PCDH15: variants seen among roughly 807,000 people sequenced by gnomAD.
The protein encoded by PCDH15 is protocadherin-15.
PCDH15 carries 129 observed loss-of-function variants against 178.5 expected under a neutral mutation model. That is an observed-to-expected ratio of 0.72 (90% CI 0.63 to 0.84). The LOEUF is 0.84. Ranked by LOEUF, PCDH15 falls within the 40% of genes least tolerant of loss-of-function variation. The probability of loss-of-function intolerance (pLI) is 0.00; values close to 1 mark genes in which losing one functional copy is unlikely to be tolerated. For missense variants in PCDH15, 2,230 were observed against 2,099.9 expected (o/e 1.06, Z -1.21); for synonymous variants, 800 against 732.0 (o/e 1.09, Z -1.50).
intron 1 of PCDH15, among the ~76,000 whole-genome samples, chr10:55,310,545 T>A (rs1843559551): frequency 6.6e-6 from 1 of 152,228 alleles, no homozygotes; most frequent in African/African-American, 2.4e-5. Flanking sequence ...ATGTGCCATA[T>A]AAACACATAC....
At chr10:54,901,641 G>T (rs1954641345) in intron 2 of PCDH15, among the ~76,000 whole-genome samples, 2 of 151,760 alleles carry the variant, frequency 1.3e-5, no homozygotes, top group Admixed American at 6.6e-5. Context: ...AATTTACCTG[G>T]CACCTACACA....
intron 6 of PCDH15, among the ~76,000 whole-genome samples, chr10:54,332,117 G>C (rs1318377500): frequency 1.3e-5 from 2 of 148,902 alleles, no homozygotes; most frequent in Non-Finnish European, 3.0e-5. Flanking sequence ...GCCCGGATCT[G>C]TGTTGTCTTT....
intron 3 of PCDH15, among the ~76,000 whole-genome samples, chr10:54,832,417 T>C (rs1953240035): frequency 6.6e-6 from 1 of 152,222 alleles, no homozygotes; most frequent in South Asian, 2.1e-4. Flanking sequence ...ATTTTGTTGA[T>C]ATGTTTTAAA....
intron 18 of PCDH15, among the ~76,000 whole-genome samples, chr10:54,048,218 C>T (rs2610911): frequency 0.23 from 34,475 of 151,858 alleles, 4,118 homozygotes; most frequent in African/African-American, 0.27. Flanking sequence ...GAAGTGTCTG[C>T]TCATATCTTT....
chr10:55,287,506 G>A (rs1232871813), intron 1 of PCDH15, among the ~76,000 whole-genome samples: 2 of 151,992 alleles, frequency 1.3e-5, no homozygotes, highest in Non-Finnish European at 2.9e-5. Context: ...TTCATAAAAA[G>A]AAAAGGATAA....
intron 2 of PCDH15, among the ~76,000 whole-genome samples, chr10:55,451,609 A>C (rs551091513): frequency 6.6e-6 from 1 of 152,210 alleles, no homozygotes; most frequent in Non-Finnish European, 1.5e-5. Context: ...TTTAAGTAGT[A>C]AATATTGTAA....
At chr10:55,026,282 C>T (rs1163633293) in intron 2 of PCDH15, among the ~76,000 whole-genome samples, 1 of 151,832 alleles carries the variant, frequency 6.6e-6, no homozygotes, top group Non-Finnish European at 1.5e-5. Flanking sequence ...CATTAGGTAC[C>T]AATATTTATC....
intron 2 of PCDH15, among the ~76,000 whole-genome samples, chr10:54,575,047 A>G (rs2090305734): frequency 7.0e-6 from 1 of 142,014 alleles, no homozygotes; most frequent in South Asian, 2.4e-4. Context: ...AACTATCGCA[A>G]GAACAAAAAA....
chr10:55,582,680 C>T (rs1391475811), intron 2 of PCDH15, among the ~76,000 whole-genome samples: 1 of 134,174 alleles, frequency 7.5e-6, no homozygotes, highest in African/African-American at 2.8e-5. Context: ...AGAAAGGGAA[C>T]CACAGGTCAG....
chr10:55,298,849 A>G (rs1434139419), intron 1 of PCDH15, among the ~76,000 whole-genome samples: 1 of 152,168 alleles, frequency 6.6e-6, no homozygotes, highest in African/African-American at 2.4e-5. Flanking sequence ...AAGAGCTGGG[A>G]TTACAGGCAT....
chr10:54,773,452 CA>C (rs1949325221), intron 1 of PCDH15, among the ~76,000 whole-genome samples: 1 of 152,176 alleles, frequency 6.6e-6, no homozygotes, highest in African/African-American at 2.4e-5. Flanking sequence ...GTACAGCTAG[CA>C]TTGATGTCAT....
At chr10:54,619,740 C>A (rs894832548) in intron 2 of PCDH15, among the ~76,000 whole-genome samples, 1 of 152,036 alleles carries the variant, frequency 6.6e-6, no homozygotes, top group Non-Finnish European at 1.5e-5. Context: ...TTCTAGACTG[C>A]CGCACTAGAA....
chr10:53,898,890 T>G (rs1474045829), intron 26 of PCDH15, among the ~76,000 whole-genome samples: 1 of 152,134 alleles, frequency 6.6e-6, no homozygotes, highest in Non-Finnish European at 1.5e-5. Context: ...TCTGTTAAAG[T>G]GTGAGGTAGG....
chr10:54,119,774 T>A (rs544764917), intron 15 of PCDH15, among the ~76,000 whole-genome samples: 1 of 152,190 alleles, frequency 6.6e-6, no homozygotes, highest in African/African-American at 2.4e-5. Flanking sequence ...ATTGTTTTTT[T>A]AAATTATTAT....
chr10:54,142,350 T>C (rs2043489606), intron 14 of PCDH15, among the ~76,000 whole-genome samples: 1 of 152,160 alleles, frequency 6.6e-6, no homozygotes, highest in Non-Finnish European at 1.5e-5. Flanking sequence ...TGAGCATTGA[T>C]ACCAGTCAAA....
chr10:54,055,987 C>G (rs529508904), intron 18 of PCDH15, among the ~76,000 whole-genome samples: 11 of 152,298 alleles, frequency 7.2e-5, no homozygotes, highest in African/African-American at 2.6e-4. Flanking sequence ...TATAATGAGA[C>G]CAGATTCATC....
At chr10:54,632,416 C>A (rs2134716248) in intron 2 of PCDH15, among the ~76,000 whole-genome samples, 1 of 152,060 alleles carries the variant, frequency 6.6e-6, no homozygotes, top group South Asian at 2.1e-4. Flanking sequence ...CCCCCTGAAT[C>A]TAAAATAACA....
At chr10:54,136,145 G>T (rs1170782247) in intron 14 of PCDH15, among the ~76,000 whole-genome samples, 1 of 152,048 alleles carries the variant, frequency 6.6e-6, no homozygotes, top group Non-Finnish European at 1.5e-5. Flanking sequence ...TGAGCATGGG[G>T]TATGTTGGTG....
intron 18 of PCDH15, among the ~76,000 whole-genome samples, chr10:54,051,785 C>G (rs557027265): frequency 1.3e-5 from 2 of 152,268 alleles, no homozygotes; most frequent in African/African-American, 4.8e-5. Flanking sequence ...GAGACCTGCA[C>G]AGCATCCTTT....
Sources: allele counts gnomAD v4.1 joint callset (sites outside exome capture counted in the v4.1 genomes callset), GRCh38; gene constraint gnomAD v4.1.1; transcripts MANE v1.5; gene names NCBI Gene and HGNC (gene_info 2026-07-23, HGNC 2026-07-21).